Variants in SFSWAP observed in about 807,000 individuals in gnomAD.
SFSWAP encodes the protein splicing factor SWAP, also known as splicing factor, suppressor of white-apricot homolog.
Under a neutral mutation model 100.7 loss-of-function variants are expected in SFSWAP, and 17 were observed. The observed-to-expected ratio is 0.17, with a 90% CI of 0.12 to 0.25. SFSWAP has a LOEUF of 0.25. Among genes scored for constraint, SFSWAP ranks in the 10% least tolerant of loss-of-function variants. The pLI, the probability that SFSWAP is intolerant of heterozygous loss-of-function variation, is 1.00. For synonymous variants in SFSWAP, 504 were observed against 510.1 expected (o/e 0.99, Z 0.16); for missense variants, 1,005 against 1,262.6 (o/e 0.80, Z 3.09).
chr12:131,766,463 T>C (rs1227054399), intron 13 of SFSWAP, among the ~76,000 whole-genome samples, 155 bp downstream of exon 13: 1 of 152,224 alleles, frequency 6.6e-6, no homozygotes, highest in African/African-American at 2.4e-5. Flanking sequence ...TTTTACTCTA[T>C]AGCAGTGAAT....
chr12:131,732,409 A>G (rs1171348710), intron 7 of SFSWAP, among the ~76,000 whole-genome samples: 1 of 152,124 alleles, frequency 6.6e-6, no homozygotes, highest in Non-Finnish European at 1.5e-5. Context: ...GAAAAGACCT[A>G]AACTCATGGG....
chr12:131,761,066 C>T (rs1308985803), intron 11 of SFSWAP, among the ~76,000 whole-genome samples: 5 of 152,116 alleles, frequency 3.3e-5, no homozygotes, highest in Admixed American at 2.6e-4. Context: ...AGCGAAACTC[C>T]GTCTCAAAGT....
intron 7 of SFSWAP, among the ~76,000 whole-genome samples, chr12:131,749,920 G>T (rs1186880526): frequency 6.6e-6 from 1 of 152,270 alleles, no homozygotes; most frequent in African/African-American, 2.4e-5. Context: ...TGCCAAGGAG[G>T]CAGAGGCTTC....
At chr12:131,792,315 T>C (rs1885310846) in intron 15 of SFSWAP, among the ~76,000 whole-genome samples, 1 of 151,268 alleles carries the variant, frequency 6.6e-6, no homozygotes, top group African/African-American at 2.4e-5. Flanking sequence ...CCCGTGTGTG[T>C]TCACAGACCA....
intron 13 of SFSWAP, among the ~76,000 whole-genome samples, chr12:131,777,596 A>G (rs1251903060): frequency 3.3e-5 from 5 of 152,232 alleles, no homozygotes; most frequent in Admixed American, 3.3e-4. Context: ...GAGTGCCACA[A>G]TAAACATACG....
intron 1 of SFSWAP, chr12:131,713,392 A>G (rs1877571444): frequency 6.6e-6 from 1 of 152,264 alleles, no homozygotes; most frequent in African/African-American, 2.4e-5. Flanking sequence ...AGAAGGAAAT[A>G]TTGATACCAT....
chr12:131,738,048 C>G (rs981531258), intron 7 of SFSWAP, among the ~76,000 whole-genome samples: 1 of 151,886 alleles, frequency 6.6e-6, no homozygotes, highest in South Asian at 2.1e-4. Context: ...CTGTGATAGC[C>G]TGTGGGTTTT....
chr12:131,764,300 C>T lies in SFSWAP; in HGVS notation c.1721-156C>T, dbSNP rs529453429. On this transcript the variant is annotated intron_variant, in intron 11 of 17. Coordinates refer to ENST00000261674, the MANE Select transcript of SFSWAP (RefSeq NM_004592.4). The stretch of plus-strand genomic sequence containing the variant: ...TGCAGTGCACATCTGCACAGGTCTG[C>T]TCTGACGGCACGGCGTCCCCCACCG... Among the ~76,000 whole-genome samples the T allele has an allele frequency of 4.6e-5, 7 of 152,338 alleles. No homozygotes were observed. The East Asian group carries it at 1.4e-3, about 29-fold the overall frequency.
At chr12:131,728,513 GT>G in intron 7 of SFSWAP, 85 bp downstream of exon 7, 1 of 1,440,970 alleles carries the variant, frequency 6.9e-7, no homozygotes, top group Non-Finnish European at 9.6e-7. Flanking sequence ...CAAGTGTTCT[GT>G]CCTCCAAGTG....
At chr12:131,741,729 C>T (rs949249971) in intron 7 of SFSWAP, among the ~76,000 whole-genome samples, 1 of 151,626 alleles carries the variant, frequency 6.6e-6, no homozygotes, top group Non-Finnish European at 1.5e-5. Flanking sequence ...TGCCTCACAG[C>T]CTCCCCCTCT....
chr12:131,736,708 T>A (rs933199312), intron 7 of SFSWAP, among the ~76,000 whole-genome samples: 1 of 152,182 alleles, frequency 6.6e-6, no homozygotes, highest in Admixed American at 6.5e-5. Context: ...TACAGAACAC[T>A]GTGCAGGTCT....
Position 131,754,483 on chromosome 12 carries a change from G to C in SFSWAP, c.1438G>C (p.Ala480Pro). Residue 480 changes from alanine (A) to proline (P), a missense_variant, in exon 9 of 18, where the codon GCC becomes CCC. Transcript: ENST00000261674. ...CCTGAAGTTCGAGACCAGTGTTCGT[G>C]CCAAGAATGATCAAAGGTCAGAAGA... ...NGLKFETSVRAKNDQRFEFLQ... is the reference protein window; with the variant it reads ...NGLKFETSVRPKNDQRFEFLQ... 1 of 1,592,830 alleles carries C rather than the reference G, an allele frequency of 6.3e-7. No individual in the cohort carries two copies. The highest frequency in any genetic ancestry group is 8.5e-7 in the Non-Finnish European group (1 of 1,171,244).
chr12:131,736,060 G>A (rs566992442), intron 7 of SFSWAP, among the ~76,000 whole-genome samples: 15 of 152,354 alleles, frequency 9.8e-5, no homozygotes, highest in African/African-American at 2.6e-4. Flanking sequence ...GCAAGATGGA[G>A]CCACCAGTCC....
chr12:131,732,390 T>A (rs1879600432), intron 7 of SFSWAP, among the ~76,000 whole-genome samples: 1 of 152,152 alleles, frequency 6.6e-6, no homozygotes, highest in Non-Finnish European at 1.5e-5. Context: ...CGTCGCTGAG[T>A]TGCTTCAAGA....
chr12:131,786,718 A>T, intron 15 of SFSWAP, 130 bp downstream of exon 15: 1 of 866,650 alleles, frequency 1.2e-6, no homozygotes, highest in East Asian at 2.8e-5. Flanking sequence ...GTCCCCCACC[A>T]CCCCCCCACC....
At chr12:131,795,751 C>T (rs939440201) in intron 15 of SFSWAP, among the ~76,000 whole-genome samples, 1 of 151,548 alleles carries the variant, frequency 6.6e-6, no homozygotes, top group East Asian at 2.0e-4. Context: ...GGAGGCCAGA[C>T]GCTTGCAGCT....
intron 11 of SFSWAP, among the ~76,000 whole-genome samples, chr12:131,762,512 A>G (rs1175462892): frequency 6.6e-6 from 1 of 152,208 alleles, no homozygotes; most frequent in African/African-American, 2.4e-5. Context: ...TATTTTTCTA[A>G]TTTGGGGAGA....
At chr12:131,731,573 A>G (rs1425399594) in intron 7 of SFSWAP, among the ~76,000 whole-genome samples, 1 of 152,202 alleles carries the variant, frequency 6.6e-6, no homozygotes, top group South Asian at 2.1e-4. Context: ...TGGACTGACT[A>G]CTATGTGGTT....
At chr12:131,728,197 A>G in intron 6 of SFSWAP, 96 bp from the exon 7 acceptor site, 1 of 1,409,360 alleles carries the variant, frequency 7.1e-7, no homozygotes, top group South Asian at 1.3e-5. Flanking sequence ...TTTCTAAGGC[A>G]TGTACACTGA....
Sources: allele counts gnomAD v4.1 joint callset (sites outside exome capture counted in the v4.1 genomes callset), GRCh38; gene constraint gnomAD v4.1.1; transcripts MANE v1.5; gene names NCBI Gene and HGNC (gene_info 2026-07-23, HGNC 2026-07-21).